PEAK3: variants seen among roughly 807,000 people sequenced by gnomAD.
PEAK3 encodes protein PEAK3.
In PEAK3, 15 loss-of-function variants were observed where a neutral mutation model predicts 13.3. That is an observed-to-expected ratio of 1.13 (90% CI 0.75 to 1.73). PEAK3 has a LOEUF of 1.73. Ranked by LOEUF, PEAK3 falls within the 40% of genes most tolerant of loss-of-function variation. The pLI is 0.00. For synonymous variants in PEAK3, 347 were observed against 341.9 expected (o/e 1.01, Z -0.17); for missense variants, 739 against 690.2 (o/e 1.07, Z -0.79).
At position 2,275,895 on chromosome 19, in the gene PEAK3, C is replaced by A. The variant is rs1356696288; in HGVS notation, c.1207G>T (p.Gly403Trp). Reference sequence around the variant, plus strand: ...GCTCCGCGGCCGCGCAGCTCAGGCCCGGGCCCCCAGAGCAGCGCCTGCAGC... The same window carrying A: ...GCTCCGCGGCCGCGCAGCTCAGGCCAGGGCCCCCAGAGCAGCGCCTGCAGC... The part of the protein sequence containing the change: ...GALQALLWGP[G>W]PELRGRGAPL... The change falls in exon 4 of 4, where the codon GGG (glycine) becomes TGG (tryptophan). Residue 403 changes from glycine (G) to tryptophan (W), a missense_variant. By Grantham distance (184) the Gly-to-Trp change is radical (BLOSUM62 -2). Coordinates refer to ENST00000342063, the MANE Select transcript of PEAK3 (RefSeq NM_198532.3). 2 of 1,401,324 alleles carry A rather than the reference C, an allele frequency of 1.4e-6. 1 individual carries two copies. Among genetic ancestry groups the A allele is most frequent in the South Asian group, 3.0e-5 (2 of 66,906 alleles). 86.8% of individuals were successfully genotyped at this position (1,401,324 alleles called of 1,614,324 possible). A position where few individuals can be genotyped will look rare whatever the true frequency, so the allele number is the denominator to read the frequency against.
chr19:2,278,520 C>A, intron 3 of PEAK3, 64 bp downstream of exon 3: 1 of 1,380,528 alleles, frequency 7.2e-7, no homozygotes, highest in South Asian at 2.0e-5. Flanking sequence ...TGAAACAAGC[C>A]CTGGGTTATG....
rs536008387 is a variant in PEAK3 at position 2,275,121 on chromosome 19, G to A, written c.*559C>T. 1 of 152,234 alleles carries A rather than the reference G, an allele frequency of 6.6e-6. No individual in the cohort carries two copies. The highest frequency in any genetic ancestry group is 1.5e-5 in the Non-Finnish European group (1 of 68,040). The allele number at this position is 152,234 out of a possible 1,614,324, so 9.4% of individuals were successfully genotyped here. A position where few individuals can be genotyped will look rare whatever the true frequency, so the allele number is the denominator to read the frequency against. On this transcript the variant is annotated 3_prime_UTR_variant, in exon 4 of 4. Transcript: ENST00000342063. ...AACCGCGGGGACTGTTTTAGGGAAGGTGAGTCCAGACCCCGCTGAGATGAG... is the reference window on the plus strand; with the variant it reads ...AACCGCGGGGACTGTTTTAGGGAAGATGAGTCCAGACCCCGCTGAGATGAG...
At chr19:2,278,159 G>A (rs1352671278) in intron 3 of PEAK3, among the ~76,000 whole-genome samples, 13 of 146,910 alleles carry the variant, frequency 8.8e-5, no homozygotes, top group East Asian at 2.0e-4. Flanking sequence ...CACTGTGCCC[G>A]GCCTTTTTCT....
rs779421676 is a variant in PEAK3, at chr19:2,275,776, C to T, written c.1326G>A (p.Gly442=). ...GCCAGTCCTCGAGGCTGGGAGCTTCCCCACCTGCGGCCCGCTCTGCTAGGC... is the reference window on the plus strand; with the variant it reads ...GCCAGTCCTCGAGGCTGGGAGCTTCTCCACCTGCGGCCCGCTCTGCTAGGC... ...VLRLAERAAG[G]EAPSLEDWLC... Residue 442 remains glycine (G), a synonymous_variant, in exon 4 of 4, where the codon GGG becomes GGA. Transcript: ENST00000342063. 3.1e-5 allele frequency: 49 copies of T among 1,579,604 alleles called. No individual in the cohort carries two copies. Among genetic ancestry groups the T allele is most frequent in the Non-Finnish European group, 3.9e-5 (46 of 1,167,366 alleles).
In PEAK3 at chr19:2,275,726, GC is replaced by G; in HGVS notation, c.1375del (p.Ala459ProfsTer100). 2.6e-6 allele frequency: 4 copies of G among 1,556,168 alleles called. No homozygotes were observed. The African/African-American group carries it at 5.6e-5, about 22-fold the overall frequency. On this transcript the variant is annotated frameshift_variant, in exon 4 of 4. Transcript: ENST00000342063. LOFTEE classifies it high-confidence loss of function. ...DWLCCEYLAE[A>X]TESSMGQALA... Reference sequence around the variant, plus strand: ...GGCCTGGCCCATCGAGGACTCGGTGGCCTCGGCCAGGTATTCGCAACACAGC... The same window carrying G: ...GGCCTGGCCCATCGAGGACTCGGTGGCTCGGCCAGGTATTCGCAACACAGC...
At position 2,275,233 on chromosome 19, in the gene PEAK3, A is replaced by C. The variant is rs1056601081; in HGVS notation, c.*447T>G. On this transcript the variant is annotated 3_prime_UTR_variant, in exon 4 of 4. Coordinates refer to ENST00000342063, the MANE Select transcript of PEAK3 (RefSeq NM_198532.3). The stretch of plus-strand genomic sequence containing the variant: ...CAGGGACAGGGGCATTCACATGCCC[A>C]AAATCACTGGCCATCTTCAGCACAA... 3.2e-4 allele frequency: 49 copies of C among 154,358 alleles called. No homozygotes were observed. The highest frequency in any genetic ancestry group is 1.3e-4 in the Non-Finnish European group (9 of 69,526). 9.6% of individuals were successfully genotyped at this position (154,358 alleles called of 1,614,324 possible).
rs1263942533 is a variant in PEAK3 at position 2,274,945 on chromosome 19, A to G, written c.*735T>C. On this transcript the variant is annotated 3_prime_UTR_variant, in exon 4 of 4. Coordinates refer to ENST00000342063, the MANE Select transcript of PEAK3 (RefSeq NM_198532.3). ...CGAGATCGTCTCAAAAAAAAAAAAA[A>G]AAAAAAAAGAAAAAGAAAGTGGAAC... 1 of 140,532 alleles carries G rather than the reference A, an allele frequency of 7.1e-6. No individual in the cohort carries two copies. The allele number at this position is 140,532 out of a possible 1,614,324, so 8.7% of individuals were successfully genotyped here.
chr19:2,280,053 CTTTTTTTTTTTT>C (rs34177687), intron 2 of PEAK3, among the ~76,000 whole-genome samples: 3 of 36,786 alleles, frequency 8.2e-5, no homozygotes, highest in South Asian at 1.3e-3. Context: ...TGCACCTGGC[CTTTTTTTTTTTT>C]TTTTTTTTTT....
intron 3 of PEAK3, 83 bp downstream of exon 3, chr19:2,278,501 A>G: frequency 7.5e-7 from 1 of 1,341,084 alleles, no homozygotes; most frequent in East Asian, 2.6e-5. Flanking sequence ...GACTCACAGA[A>G]AGGCCAAATG....
chr19:2,280,948 C>G lies in PEAK3; in HGVS notation c.-4-13G>C, dbSNP rs2025433824. On this transcript the variant is annotated splice_polypyrimidine_tract_variant and intron_variant, in intron 1 of 3. Coordinates refer to ENST00000342063, the MANE Select transcript of PEAK3 (RefSeq NM_198532.3). ...GCTGCTCATGTTGCTGGGGAAAGGT[C>G]AAACGGGGCGTGTGTGGGGTGACCG... The G allele has an allele frequency of 6.6e-7, 1 of 1,526,080 alleles. No homozygotes were observed. Among genetic ancestry groups the G allele is most frequent in the South Asian group, 1.2e-5 (1 of 81,134 alleles). 94.5% of individuals were successfully genotyped at this position (1,526,080 alleles called of 1,614,324 possible).
chr19:2,277,633 C>T lies in PEAK3; in HGVS notation c.612+951G>A, dbSNP rs2025402673. Among the ~76,000 whole-genome samples, 3 of 150,688 alleles carry T rather than the reference C, an allele frequency of 2.0e-5. No individual in the cohort carries two copies. In the South Asian group the frequency reaches 6.3e-4, roughly 32 times the overall value. ...GAGTGCAATAGCCCAATTTTCGAAT[C>T]TCAGCTCACTGCAACCTCCGCCTCC... is the stretch of plus-strand genomic sequence containing the variant. On this transcript the variant is annotated intron_variant, in intron 3 of 3. Transcript: ENST00000342063.
chr19:2,277,804 A>G (rs2025404027), intron 3 of PEAK3, among the ~76,000 whole-genome samples: 1 of 148,444 alleles, frequency 6.7e-6, no homozygotes, highest in Non-Finnish European at 1.5e-5. Flanking sequence ...TGACCTCATG[A>G]TCTGCCCGCC....
At chr19:2,278,427 C>A (rs543073765) in intron 3 of PEAK3, among the ~76,000 whole-genome samples, 157 bp downstream of exon 3, 6 of 145,006 alleles carry the variant, frequency 4.1e-5, no homozygotes, top group African/African-American at 1.6e-4. Flanking sequence ...TCCCAAAGTG[C>A]TGGGATGACA....
intron 1 of PEAK3, 118 bp from the exon 2 acceptor site, chr19:2,281,053 C>T: frequency 3.2e-6 from 2 of 620,246 alleles, no homozygotes; most frequent in Non-Finnish European, 5.5e-6. Flanking sequence ...TGCTCCAGGG[C>T]CCTTGGTGAG....
rs765035754 is a variant in PEAK3, at chr19:2,276,237, T to TCAGCTG, written c.859_864dup (p.Gln287_Leu288dup). On this transcript the variant is annotated inframe_insertion, in exon 4 of 4. Transcript: ENST00000342063. ...GCCTCCAGGAACTTCAGGGCCGCGC[T>TCAGCTG]CAGCTGCAGCAGCAGCAGGGCCACA... The TCAGCTG allele has an allele frequency of 1.0e-5, 16 of 1,585,360 alleles. No individual in the cohort carries two copies. The South Asian group carries it at 1.8e-4, about 18-fold the overall frequency.
At chr19:2,280,382 T>C (rs2145074955) in intron 2 of PEAK3, among the ~76,000 whole-genome samples, 1 of 152,132 alleles carries the variant, frequency 6.6e-6, no homozygotes, top group East Asian at 1.9e-4. Context: ...CCTCTCTCTC[T>C]TTTTAATGGT....
At chr19:2,280,051 G>GC (rs2025425873) in intron 2 of PEAK3, among the ~76,000 whole-genome samples, 1 of 121,706 alleles carries the variant, frequency 8.2e-6, no homozygotes, top group African/African-American at 3.3e-5. Context: ...ATTGCACCTG[G>GC]CCTTTTTTTT....
Position 2,278,743 on chromosome 19 carries a change from G to C in PEAK3, c.453C>G (p.Ala151=). 1 of 1,547,402 alleles carries C rather than the reference G, an allele frequency of 6.5e-7. No individual in the cohort carries two copies. Among genetic ancestry groups the C allele is most frequent in the Non-Finnish European group, 8.7e-7 (1 of 1,143,742 alleles). ...RQLQGLRTIY[A]RLRARLMGGH... ...CCCCCATGAGCCGGGCACGGAGCCGGGCATAGATGGTACGGAGGCCCTGCA... is the reference window on the plus strand; with the variant it reads ...CCCCCATGAGCCGGGCACGGAGCCGCGCATAGATGGTACGGAGGCCCTGCA... Residue 151 remains alanine, a synonymous_variant, in exon 3 of 4, where the codon GCC becomes GCG. Coordinates refer to ENST00000342063, the MANE Select transcript of PEAK3 (RefSeq NM_198532.3).
intron 2 of PEAK3, 73 bp downstream of exon 2, chr19:2,280,777 A>ACCTG: frequency 1.9e-6 from 2 of 1,072,788 alleles, no homozygotes; most frequent in South Asian, 3.0e-5. Context: ...CCCTGCACCC[A>ACCTG]CCTGCCGCTC....
Sources: allele counts gnomAD v4.1 joint callset (sites outside exome capture counted in the v4.1 genomes callset), GRCh38; gene constraint gnomAD v4.1.1; transcripts MANE v1.5; gene names NCBI Gene and HGNC (gene_info 2026-07-23, HGNC 2026-07-21).